The following ROBO1 variants were observed in gnomAD, a reference collection of about 807,000 sequenced individuals.
ROBO1 encodes roundabout homolog 1.
ROBO1 carries 149 observed loss-of-function variants against 195.9 expected under a neutral mutation model. The ratio of observed to expected loss-of-function variants is 0.76; its 90% CI spans 0.67 to 0.87. The LOEUF is 0.87. Among genes scored for constraint, ROBO1 ranks in the 40% least tolerant of loss-of-function variants. ROBO1 has a pLI of 0.00. For synonymous variants in ROBO1, 816 were observed against 733.2 expected, an observed-to-expected ratio of 1.11 and a Z score of -1.82; for missense variants, 1,933 against 2,068.3, an observed-to-expected ratio of 0.93 and a Z score of 1.27.
rs905185751 is a variant in ROBO1 at position 78,782,587 on chromosome 3, C to T, written c.500-35687G>A. Among the ~76,000 whole-genome samples the T allele has an allele frequency of 2.0e-5, 3 of 152,134 alleles. No individual in the cohort carries two copies. The East Asian group carries it at 5.8e-4, about 29-fold the overall frequency. ...AGTTCTCCCCAGTCCATTCCATATC[C>T]TAGGCTGAAATATTTTCCTGTGTAT... is the stretch of plus-strand genomic sequence containing the variant. On this transcript the variant is annotated intron_variant, in intron 4 of 30. Coordinates refer to ENST00000464233, the MANE Select transcript of ROBO1 (RefSeq NM_002941.4).
intron 3 of ROBO1, among the ~76,000 whole-genome samples, chr3:79,085,975 T>C (rs2079361609): frequency 6.6e-6 from 1 of 152,206 alleles, no homozygotes; most frequent in Non-Finnish European, 1.5e-5. Flanking sequence ...TCTCTGTTTG[T>C]TAATGTATTA....
At chr3:79,753,965 G>T (rs1704253878) in intron 1 of ROBO1, among the ~76,000 whole-genome samples, 1 of 152,118 alleles carries the variant, frequency 6.6e-6, no homozygotes, top group South Asian at 2.1e-4. Flanking sequence ...ATTGGTTGAG[G>T]GTGAAGAACA....
chr3:79,294,850 C>A (rs1280770168), intron 2 of ROBO1, among the ~76,000 whole-genome samples: 1 of 152,188 alleles, frequency 6.6e-6, no homozygotes, highest in Non-Finnish European at 1.5e-5. Context: ...TGAAAAAAAG[C>A]TCCTCATCAC....
At chr3:79,700,981 C>T (rs2107158500) in intron 1 of ROBO1, among the ~76,000 whole-genome samples, 1 of 151,882 alleles carries the variant, frequency 6.6e-6, no homozygotes, top group South Asian at 2.1e-4. Context: ...ATATTTAATA[C>T]ATCTTGAGAG....
intron 1 of ROBO1, among the ~76,000 whole-genome samples, chr3:79,609,550 A>T (rs745844753): frequency 6.6e-6 from 1 of 151,968 alleles, no homozygotes; most frequent in Non-Finnish European, 1.5e-5. Context: ...ATATTTGTAC[A>T]TTCACATTTA....
At chr3:79,268,844 T>A (rs1417969696) in intron 2 of ROBO1, among the ~76,000 whole-genome samples, 1 of 151,858 alleles carries the variant, frequency 6.6e-6, no homozygotes, top group Non-Finnish European at 1.5e-5. Flanking sequence ...ATTCTGATTT[T>A]AAAAATCTGG....
At chr3:79,601,114 C>T (rs1944325967) in intron 1 of ROBO1, among the ~76,000 whole-genome samples, 1 of 151,756 alleles carries the variant, frequency 6.6e-6, no homozygotes, top group Non-Finnish European at 1.5e-5. Context: ...AATGTTCATC[C>T]CAGAAGTGAA....
chr3:79,586,726 T>C (rs1338889881), intron 2 of ROBO1, among the ~76,000 whole-genome samples: 1 of 151,888 alleles, frequency 6.6e-6, no homozygotes, highest in Non-Finnish European at 1.5e-5. Flanking sequence ...TAATAACAGA[T>C]CATTTTACAT....
At chr3:79,108,339 G>A (rs530776232) in intron 3 of ROBO1, among the ~76,000 whole-genome samples, 2 of 151,556 alleles carry the variant, frequency 1.3e-5, no homozygotes, top group East Asian at 3.9e-4. Context: ...TAATTCACTT[G>A]TTCACCTATT....
chr3:78,763,499 A>G (rs1259788987), intron 4 of ROBO1, among the ~76,000 whole-genome samples: 3 of 152,170 alleles, frequency 2.0e-5, no homozygotes, highest in African/African-American at 7.2e-5. Context: ...AAGCAACTGT[A>G]ACTTTTAGCT....
chr3:78,962,837 A>C (rs1174822434), intron 3 of ROBO1, among the ~76,000 whole-genome samples: 1 of 151,294 alleles, frequency 6.6e-6, no homozygotes. Context: ...AAAAAAAAAA[A>C]AAAAAAAAAA....
chr3:78,720,338 A>G lies in ROBO1; in HGVS notation c.658-2455T>C, dbSNP rs143283971. Reference sequence around the variant, plus strand: ...CATTTATGCAGCCAACAGACACATGAAAAAATGCTCATCATCACTGGCCAT... The same window carrying G: ...CATTTATGCAGCCAACAGACACATGGAAAAATGCTCATCATCACTGGCCAT... On this transcript the variant is annotated intron_variant, in intron 5 of 30. Transcript: ENST00000464233. Among the ~76,000 whole-genome samples, 38 of 152,364 alleles carry G rather than the reference A, an allele frequency of 2.5e-4. 1 individual carries two copies. In the East Asian group the frequency reaches 6.8e-3, roughly 27 times the overall value.
chr3:79,556,392 A>G (rs1056431988), intron 2 of ROBO1, among the ~76,000 whole-genome samples: 1 of 152,116 alleles, frequency 6.6e-6, no homozygotes, highest in African/African-American at 2.4e-5. Context: ...TGATAATTGT[A>G]GAAAAAAACA....
intron 3 of ROBO1, chr3:79,018,563 A>G: frequency 6.5e-7 from 1 of 1,543,192 alleles, no homozygotes; most frequent in Admixed American, 1.9e-5. Context: ...AAGGCTTAAT[A>G]TAAGCAACGT....
chr3:79,104,757 G>A (rs979052975), intron 3 of ROBO1, among the ~76,000 whole-genome samples: 8 of 151,732 alleles, frequency 5.3e-5, no homozygotes, highest in Non-Finnish European at 8.8e-5. Context: ...TTGATAGCAA[G>A]AGTGAGAGAG....
chr3:79,489,651 CAA>C (rs11328226), intron 2 of ROBO1, among the ~76,000 whole-genome samples: 65 of 88,796 alleles, frequency 7.3e-4, no homozygotes, highest in Non-Finnish European at 9.4e-4. Context: ...GACTTCATCT[CAA>C]AAAAAAAAAA....
intron 2 of ROBO1, among the ~76,000 whole-genome samples, chr3:79,459,149 G>A (rs1402913981): frequency 6.6e-6 from 1 of 151,350 alleles, no homozygotes; most frequent in African/African-American, 2.4e-5. Flanking sequence ...GGAAAAAAAT[G>A]TATACCTTGC....
At chr3:79,599,893 A>AT (rs896664397) in intron 1 of ROBO1, among the ~76,000 whole-genome samples, 1 of 151,872 alleles carries the variant, frequency 6.6e-6, no homozygotes, top group Non-Finnish European at 1.5e-5. Context: ...GTCTATCCAA[A>AT]TTTTTTTCTT....
At chr3:78,838,170 T>C (rs1222149710) in intron 4 of ROBO1, among the ~76,000 whole-genome samples, 1 of 152,182 alleles carries the variant, frequency 6.6e-6, no homozygotes, top group African/African-American at 2.4e-5. Flanking sequence ...GATAAGAACT[T>C]ACAAGTTAAC....
Sources: allele counts gnomAD v4.1 joint callset (sites outside exome capture counted in the v4.1 genomes callset), GRCh38; gene constraint gnomAD v4.1.1; transcripts MANE v1.5; gene names NCBI Gene and HGNC (gene_info 2026-07-23, HGNC 2026-07-21).